Variants in BFSP1 observed in about 807,000 individuals in gnomAD.
BFSP1 encodes beaded filament structural protein 1.
In BFSP1, 38 loss-of-function variants were observed where a neutral mutation model predicts 43.9. The ratio of observed to expected loss-of-function variants is 0.87; its 90% CI spans 0.67 to 1.14. The LOEUF is 1.14. Ranked by LOEUF, BFSP1 falls within the 50% of genes most tolerant of loss-of-function variation. The probability of loss-of-function intolerance (pLI) is 0.00; values close to 1 mark genes in which losing one functional copy is unlikely to be tolerated. For synonymous variants in BFSP1, 352 were observed against 354.8 expected, an observed-to-expected ratio of 0.99 and a Z score of 0.09; for missense variants, 850 against 875.1, an observed-to-expected ratio of 0.97 and a Z score of 0.36.
intron 1 of BFSP1, among the ~76,000 whole-genome samples, chr20:17,550,251 G>C (rs1466056673): frequency 6.6e-6 from 1 of 152,134 alleles, no homozygotes; most frequent in Non-Finnish European, 1.5e-5. Flanking sequence ...AAGCCACTTA[G>C]TTACAGAGTA....
chr20:17,537,568 C>CAAAAAAAAAAAAAAAAA (rs901895418), intron 1 of BFSP1, among the ~76,000 whole-genome samples: 2 of 63,826 alleles, frequency 3.1e-5, no homozygotes, highest in African/African-American at 5.8e-5. Flanking sequence ...ACTGAAGCAC[C>CAAAAAAAAAAAAAAAAA]AAAAAAAAAA....
chr20:17,506,240 CCCT>C (rs2033933945), intron 5 of BFSP1, among the ~76,000 whole-genome samples: 1 of 152,140 alleles, frequency 6.6e-6, no homozygotes, highest in Non-Finnish European at 1.5e-5. Flanking sequence ...GCAAATTCTC[CCCT>C]AACAGCCTCT....
chr20:17,534,924 A>G (rs1380401789), upstream of BFSP1, among the ~76,000 whole-genome samples: 1 of 151,900 alleles, frequency 6.6e-6, no homozygotes, highest in Admixed American at 6.6e-5. Context: ...GGAGGCTGAG[A>G]CATGAGAATT....
At position 17,498,990 on chromosome 20, in the gene BFSP1, A is replaced by G. The variant is rs371685610; in HGVS notation, c.786T>C (p.Asp262=). ...AIKSAHECYD[D]EIQLYNEQIE... is the part of the protein sequence containing the mutation. ...TCTGCTCGTTATAAAGCTGAATCTC[A>G]TCGTCATAACACTCATGGGCACTTT... The change falls in exon 6 of 8, where the codon GAT becomes GAC. Residue 262 remains aspartate (D), a synonymous_variant. Coordinates refer to ENST00000377873, the MANE Select transcript of BFSP1 (RefSeq NM_001195.5). 10 of 1,613,956 alleles carry G rather than the reference A, an allele frequency of 6.2e-6. No individual in the cohort carries two copies. In the African/African-American group the frequency reaches 9.3e-5, roughly 15 times the overall value.
At chr20:17,506,881 G>C (rs887325472) in intron 5 of BFSP1, 1 of 152,060 alleles carries the variant, frequency 6.6e-6, no homozygotes, top group Non-Finnish European at 1.5e-5. Flanking sequence ...ATTTTTCTGA[G>C]AAGCGGTCTC....
chr20:17,499,092 G>C (rs781054449), intron 5 of BFSP1, 52 bp from the exon 6 acceptor site: 33 of 1,537,744 alleles, frequency 2.1e-5, no homozygotes, highest in Non-Finnish European at 3.0e-5. Context: ...TTCTCTAAGA[G>C]ACAGACCTCA....
intron 1 of BFSP1, among the ~76,000 whole-genome samples, chr20:17,526,205 T>G (rs1229393147): frequency 2.1e-5 from 3 of 141,216 alleles, no homozygotes; most frequent in African/African-American, 7.9e-5. Flanking sequence ...TTAACCATTT[T>G]AAGTATATAG....
rs139040776 is a variant in BFSP1 at position 17,536,494 on chromosome 20, T to G, written c.3-11586A>C. On this transcript the variant is annotated intron_variant, in intron 1 of 7. Coordinates refer to the BFSP1 transcript ENST00000377868. ...CTGCAGTGAGCTGAGATTGCACCAC[T>G]GCACTCCAGTCTAGGTGATAGAATG... 1.8e-3 allele frequency among the ~76,000 whole-genome samples: 275 copies of G among 152,282 alleles called. 1 individual carries two copies. Among genetic ancestry groups the G allele is most frequent in the African/African-American group, 6.3e-3 (261 of 41,556 alleles).
chr20:17,519,259 C>A (rs2034268500), intron 2 of BFSP1, among the ~76,000 whole-genome samples: 1 of 152,222 alleles, frequency 6.6e-6, no homozygotes, highest in Non-Finnish European at 1.5e-5. Flanking sequence ...CCTGGGGTCA[C>A]TGGTCCTCAA....
intron 2 of BFSP1, chr20:17,517,008 T>C (rs964799107): frequency 4.4e-5 from 34 of 775,362 alleles, no homozygotes; most frequent in Non-Finnish European, 7.5e-5. Context: ...TGGATGTGCT[T>C]TGTCTGACTA....
chr20:17,496,918 C>A lies in BFSP1; in HGVS notation c.1042+20G>T. ...TTTCAAGACAGAAAAAAACAGAAGTCCAGTGTTGGGGAGCGTTACCTTTCC... is the reference window on the plus strand; with the variant it reads ...TTTCAAGACAGAAAAAAACAGAAGTACAGTGTTGGGGAGCGTTACCTTTCC... On this transcript the variant is annotated intron_variant, in intron 7 of 7. Coordinates refer to ENST00000377873, the MANE Select transcript of BFSP1 (RefSeq NM_001195.5). 6.6e-7 allele frequency: 1 copy of A among 1,506,552 alleles called. No homozygotes were observed. Among genetic ancestry groups the A allele is most frequent in the South Asian group, 1.3e-5 (1 of 77,374 alleles). The allele number at this position is 1,506,552 out of a possible 1,614,324, so 93.3% of individuals were successfully genotyped here. A position where few individuals can be genotyped will look rare whatever the true frequency, so the allele number is the denominator to read the frequency against.
upstream of BFSP1, among the ~76,000 whole-genome samples, chr20:17,561,744 C>CTTGCATT (rs2035068913): frequency 6.6e-6 from 1 of 152,130 alleles, no homozygotes; most frequent in Non-Finnish European, 1.5e-5. Flanking sequence ...AACCGTGGGA[C>CTTGCATT]TGTTCATTTA....
At chr20:17,543,783 A>G (rs934897287) in intron 1 of BFSP1, among the ~76,000 whole-genome samples, 6 of 152,218 alleles carry the variant, frequency 3.9e-5, no homozygotes, top group African/African-American at 1.2e-4. Context: ...TGGTCATGAA[A>G]ACTATGTCCG....
chr20:17,517,833 T>C (rs1414215162), intron 2 of BFSP1, among the ~76,000 whole-genome samples: 1 of 152,204 alleles, frequency 6.6e-6, no homozygotes, highest in Non-Finnish European at 1.5e-5. Context: ...CACAGCCACA[T>C]GCGGCTGGTG....
At chr20:17,527,200 TG>T (rs2034439752) in intron 1 of BFSP1, among the ~76,000 whole-genome samples, 1 of 152,274 alleles carries the variant, frequency 6.6e-6, no homozygotes, top group African/African-American at 2.4e-5. Flanking sequence ...CACATCAGGA[TG>T]TTACATTTAG....
chr20:17,499,346 G>A (rs569432023), intron 5 of BFSP1, among the ~76,000 whole-genome samples: 14 of 148,896 alleles, frequency 9.4e-5, no homozygotes, highest in African/African-American at 3.5e-4. Context: ...CAGGCTAAAG[G>A]CTTCCACCTC....
chr20:17,532,140 A>T (rs2034556400), upstream of BFSP1, among the ~76,000 whole-genome samples: 1 of 152,172 alleles, frequency 6.6e-6, no homozygotes, highest in Non-Finnish European at 1.5e-5. Flanking sequence ...GGCCTGTAAT[A>T]GGTGGTTCAC....
chr20:17,531,260 C>G lies in BFSP1; in HGVS notation c.70G>C (p.Ala24Pro). ...TCGGCCGGGCGCTCGGGCTCGGCGG[C>G]GCGCGAAGCCTCGTCGGCGTGCTCG... ...QYEHADEASRAAEPERPADEG... is the reference protein window; with the variant it reads ...QYEHADEASRPAEPERPADEG... The change falls in exon 1 of 8, where the codon GCC (alanine) becomes CCC (proline). Residue 24 changes from alanine to proline, a missense_variant. Transcript: ENST00000377873. 6.9e-7 allele frequency: 1 copy of G among 1,439,012 alleles called. No individual in the cohort carries two copies. Among genetic ancestry groups the G allele is most frequent in the Non-Finnish European group, 9.1e-7 (1 of 1,097,224 alleles). 89.1% of individuals were successfully genotyped at this position (1,439,012 alleles called of 1,614,324 possible). A position where few individuals can be genotyped will look rare whatever the true frequency, so the allele number is the denominator to read the frequency against.
chr20:17,496,447 G>A (rs1285864884), intron 7 of BFSP1, among the ~76,000 whole-genome samples: 5 of 152,204 alleles, frequency 3.3e-5, no homozygotes, highest in African/African-American at 7.2e-5. Flanking sequence ...CCTGGTTTGA[G>A]GGAGGGGAGA....
Sources: allele counts gnomAD v4.1 joint callset (sites outside exome capture counted in the v4.1 genomes callset), GRCh38; gene constraint gnomAD v4.1.1; transcripts MANE v1.5; gene names NCBI Gene and HGNC (gene_info 2026-07-23, HGNC 2026-07-21).